FHIT: variants seen among roughly 807,000 people sequenced by gnomAD.
FHIT encodes bis(5'-adenosyl)-triphosphatase.
In FHIT, 19 loss-of-function variants were observed where a neutral mutation model predicts 17.9. The observed-to-expected ratio is 1.06, with a 90% CI of 0.74 to 1.56. The LOEUF (loss-of-function observed/expected upper bound fraction) is 1.56, where lower values mean the gene tolerates loss of function less well. Ranked by LOEUF, FHIT falls within the 40% of genes most tolerant of loss-of-function variation. The pLI is 0.00. For synonymous variants in FHIT, 81 were observed against 69.7 expected (o/e 1.16, Z -0.81); for missense variants, 248 against 189.2 (o/e 1.31, Z -1.82).
intron 5 of FHIT, among the ~76,000 whole-genome samples, chr3:60,051,755 G>GT (rs1224413326): frequency 6.6e-6 from 1 of 152,144 alleles, no homozygotes; most frequent in Non-Finnish European, 1.5e-5. Flanking sequence ...CCCCAAGGCT[G>GT]TAACAGTGTA....
intron 5 of FHIT, among the ~76,000 whole-genome samples, chr3:60,381,823 TGTAA>T (rs1700811879): frequency 6.6e-6 from 1 of 151,890 alleles, no homozygotes; most frequent in African/African-American, 2.4e-5. Context: ...TCTGTAACTC[TGTAA>T]CTCTGGGTAT....
chr3:60,542,398 C>T (rs549515019), intron 4 of FHIT, among the ~76,000 whole-genome samples: 4 of 152,320 alleles, frequency 2.6e-5, no homozygotes, highest in African/African-American at 4.8e-5. Context: ...CCAGCTTGCA[C>T]GCCCAGCAGC....
intron 5 of FHIT, among the ~76,000 whole-genome samples, chr3:60,188,601 T>C (rs547462641): frequency 2.6e-5 from 4 of 152,298 alleles, no homozygotes; most frequent in Admixed American, 6.5e-5. Flanking sequence ...CTTCATTTCA[T>C]CCTTCAAATT....
Position 59,961,071 on chromosome 3 carries a change from T to C in FHIT, c.280-38657A>G, listed in dbSNP as rs533193464. ...CGGATGAGGGGACTGAATCGTGAAT[T>C]TGAGGCCTAAAGAATTTCCCAATGT... On this transcript the variant is annotated intron_variant, in intron 7 of 9. Coordinates refer to ENST00000492590, the MANE Select transcript of FHIT (RefSeq NM_002012.4). 6.2e-4 allele frequency among the ~76,000 whole-genome samples: 95 copies of C among 152,314 alleles called. 1 individual carries two copies. Among genetic ancestry groups the C allele is most frequent in the Non-Finnish European group, 4.6e-4 (31 of 68,016 alleles).
intron 5 of FHIT, among the ~76,000 whole-genome samples, chr3:60,271,066 G>A (rs1706841228): frequency 6.6e-6 from 1 of 152,046 alleles, no homozygotes; most frequent in Non-Finnish European, 1.5e-5. Flanking sequence ...GCTATTTGGG[G>A]GCTAACTTCT....
chr3:60,757,952 G>C (rs1268700554), intron 4 of FHIT, among the ~76,000 whole-genome samples: 1 of 152,094 alleles, frequency 6.6e-6, no homozygotes, highest in Non-Finnish European at 1.5e-5. Flanking sequence ...CCCTTTCCTC[G>C]CCTGTTGCCT....
chr3:60,160,825 T>A (rs1700906484), intron 5 of FHIT, among the ~76,000 whole-genome samples: 1 of 124,862 alleles, frequency 8.0e-6, no homozygotes, highest in Non-Finnish European at 1.8e-5. Flanking sequence ...TGTGTGAGTG[T>A]GACAGAGAGA....
intron 5 of FHIT, among the ~76,000 whole-genome samples, chr3:60,402,551 C>T (rs1279214524): frequency 6.6e-6 from 1 of 152,168 alleles, no homozygotes; most frequent in Non-Finnish European, 1.5e-5. Flanking sequence ...AAATAGCCTT[C>T]ATTTTCACAA....
intron 2 of FHIT, among the ~76,000 whole-genome samples, chr3:61,152,769 AT>A (rs2037430433): frequency 1.5e-5 from 2 of 135,914 alleles, no homozygotes; most frequent in Admixed American, 1.6e-4. Context: ...TCAGTATGGC[AT>A]CTAATGAGAA....
intron 4 of FHIT, among the ~76,000 whole-genome samples, chr3:60,600,418 C>G (rs2038405578): frequency 6.6e-6 from 1 of 152,138 alleles, no homozygotes; most frequent in Admixed American, 6.5e-5. Flanking sequence ...GGCAGGATTA[C>G]AGAATCACAC....
chr3:60,875,923 A>ATG (rs60177380), intron 3 of FHIT, among the ~76,000 whole-genome samples: 33,252 of 136,540 alleles, frequency 0.24, 4,190 homozygotes, highest in Non-Finnish European at 0.29. Flanking sequence ...AAACTTATTC[A>ATG]TGTGTGTGTG....
intron 2 of FHIT, among the ~76,000 whole-genome samples, chr3:61,149,966 A>T (rs1199910677): frequency 2.6e-5 from 4 of 152,204 alleles, no homozygotes; most frequent in African/African-American, 9.6e-5. Context: ...GCATGGGTAC[A>T]CTAGTCAAGT....
chr3:61,139,071 C>G (rs891962977), intron 2 of FHIT, among the ~76,000 whole-genome samples: 4 of 150,722 alleles, frequency 2.7e-5, no homozygotes, highest in Admixed American at 6.6e-5. Context: ...ACTCTGTCAC[C>G]AAGGCTGGAG....
At chr3:60,487,042 T>G (rs1486946469) in intron 5 of FHIT, among the ~76,000 whole-genome samples, 2 of 152,160 alleles carry the variant, frequency 1.3e-5, no homozygotes, top group African/African-American at 4.8e-5. Context: ...GAACTAATAT[T>G]TGTTAAGGAA....
chr3:60,124,816 C>T (rs748400345), intron 5 of FHIT, among the ~76,000 whole-genome samples: 8 of 152,144 alleles, frequency 5.3e-5, no homozygotes, highest in East Asian at 1.9e-4. Context: ...CTGACTCTCT[C>T]GACTTTGCTC....
intron 5 of FHIT, among the ~76,000 whole-genome samples, chr3:60,526,137 T>TATAC (rs141284744): frequency 1.4e-5 from 2 of 148,058 alleles, no homozygotes; most frequent in African/African-American, 5.0e-5. Flanking sequence ...ACACAACACA[T>TATAC]ACACACACAC....
At chr3:60,400,663 G>A (rs765009225) in intron 5 of FHIT, among the ~76,000 whole-genome samples, 3 of 152,066 alleles carry the variant, frequency 2.0e-5, no homozygotes, top group South Asian at 2.1e-4. Context: ...AAACTCACAC[G>A]TGTCTGAAAG....
Position 60,193,555 on chromosome 3 carries a change from T to C in FHIT, c.104-179403A>G, listed in dbSNP as rs182372676. 7.2e-5 allele frequency among the ~76,000 whole-genome samples: 11 copies of C among 152,150 alleles called. No individual in the cohort carries two copies. The East Asian group carries it at 9.6e-4, about 13-fold the overall frequency. On this transcript the variant is annotated intron_variant, in intron 5 of 9. Coordinates refer to ENST00000492590, the MANE Select transcript of FHIT (RefSeq NM_002012.4). ...TGGACAACTCTCAAACACAGGGACA[T>C]AGATGAGGCAGAAAAGAAGAAATAT...
intron 3 of FHIT, among the ~76,000 whole-genome samples, chr3:60,923,073 A>C: frequency 6.6e-6 from 1 of 152,220 alleles, no homozygotes; most frequent in East Asian, 1.9e-4. Flanking sequence ...ATTGGGATTC[A>C]CTTAGATGGT....
Sources: allele counts gnomAD v4.1 joint callset (sites outside exome capture counted in the v4.1 genomes callset), GRCh38; gene constraint gnomAD v4.1.1; transcripts MANE v1.5; gene names NCBI Gene and HGNC (gene_info 2026-07-23, HGNC 2026-07-21).